The following KCTD8 variants were observed in gnomAD, a reference collection of about 807,000 sequenced individuals.
KCTD8 encodes the protein BTB/POZ domain-containing protein KCTD8.
A neutral mutation model predicts 31.5 loss-of-function variants in KCTD8; 27 were observed. That is an observed-to-expected ratio of 0.86 (90% CI 0.63 to 1.18). The LOEUF (loss-of-function observed/expected upper bound fraction) is 1.18, where lower values mean the gene tolerates loss of function less well. Among genes scored for constraint, KCTD8 ranks in the 50% most tolerant of loss-of-function variants. KCTD8 has a pLI of 0.00. For synonymous variants in KCTD8, 290 were observed against 280.0 expected (o/e 1.04, Z -0.36); for missense variants, 658 against 647.7 (o/e 1.02, Z -0.17).
At chr4:44,392,546 T>G (rs772331784) in intron 1 of KCTD8, among the ~76,000 whole-genome samples, 5 of 152,000 alleles carry the variant, frequency 3.3e-5, no homozygotes, top group Admixed American at 6.6e-5. Context: ...TTTATCCAAA[T>G]CACCTTGATT....
intron 1 of KCTD8, among the ~76,000 whole-genome samples, chr4:44,314,228 G>C (rs1718042348): frequency 6.6e-6 from 1 of 152,128 alleles, no homozygotes; most frequent in Non-Finnish European, 1.5e-5. Flanking sequence ...AATGGTACAG[G>C]TTGCTTTTAT....
At chr4:44,327,305 C>T (rs1316619094) in intron 1 of KCTD8, among the ~76,000 whole-genome samples, 1 of 151,836 alleles carries the variant, frequency 6.6e-6, no homozygotes. Flanking sequence ...GTTTTCTACA[C>T]ATACTAGTCT....
chr4:44,379,794 A>G (rs2109441928), intron 1 of KCTD8, among the ~76,000 whole-genome samples: 1 of 152,212 alleles, frequency 6.6e-6, no homozygotes, highest in South Asian at 2.1e-4. Flanking sequence ...TTGTATTTCA[A>G]TCTATCCTAT....
Position 44,317,228 on chromosome 4 carries a change from C to CTTTTTTTTTTTTTTTTTTTTTTT in KCTD8, c.961+130334_961+130335insAAAAAAAAAAAAAAAAAAAAAAA, listed in dbSNP as rs760060899. 4.7e-4 allele frequency among the ~76,000 whole-genome samples: 17 copies of CTTTTTTTTTTTTTTTTTTTTTTT among 36,534 alleles called. 6 individuals carry two copies. Among genetic ancestry groups the CTTTTTTTTTTTTTTTTTTTTTTT allele is most frequent in the Non-Finnish European group, 6.6e-4 (14 of 21,196 alleles). The allele number at this position is 36,534 out of a possible 152,430, so 24.0% of individuals were successfully genotyped here. On this transcript the variant is annotated intron_variant, in intron 1 of 1. Coordinates refer to ENST00000360029, the MANE Select transcript of KCTD8 (RefSeq NM_198353.3). ...TTTATGTATTGCCTATGGGTGCTTT[C>CTTTTTTTTTTTTTTTTTTTTTTT]TTTTTTTTTTTTTTTTTTTTTTGAG...
At chr4:44,261,052 T>C (rs1318313893) in intron 1 of KCTD8, among the ~76,000 whole-genome samples, 1 of 151,996 alleles carries the variant, frequency 6.6e-6, no homozygotes, top group Non-Finnish European at 1.5e-5. Context: ...TTAGAAGTGG[T>C]AAGACTTCAG....
chr4:44,194,242 C>A (rs1277436222), intron 1 of KCTD8, among the ~76,000 whole-genome samples: 2 of 152,090 alleles, frequency 1.3e-5, no homozygotes, highest in African/African-American at 4.8e-5. Flanking sequence ...TGTTGAGATG[C>A]CTTGAACTTT....
chr4:44,393,251 A>G (rs1720415337), intron 1 of KCTD8, among the ~76,000 whole-genome samples: 1 of 152,020 alleles, frequency 6.6e-6, no homozygotes, highest in African/African-American at 2.4e-5. Context: ...GTTTCGGTAA[A>G]GGAGACATGG....
intron 1 of KCTD8, among the ~76,000 whole-genome samples, chr4:44,252,976 T>C (rs1349021787): frequency 6.6e-6 from 1 of 151,760 alleles, no homozygotes; most frequent in Non-Finnish European, 1.5e-5. Context: ...GAGGGTAGCC[T>C]TTAATGTATT....
intron 1 of KCTD8, among the ~76,000 whole-genome samples, chr4:44,177,613 T>A (rs1577810902): frequency 6.6e-6 from 1 of 152,000 alleles, no homozygotes; most frequent in East Asian, 1.9e-4. Context: ...AAAAGAGGAG[T>A]TCCTCTGCAC....
At chr4:44,233,273 T>C (rs1022247519) in intron 1 of KCTD8, among the ~76,000 whole-genome samples, 1 of 152,160 alleles carries the variant, frequency 6.6e-6, no homozygotes, top group Non-Finnish European at 1.5e-5. Flanking sequence ...TTTTCTGCCT[T>C]TTTAGTATCT....
chr4:44,181,418 G>A (rs982336782), intron 1 of KCTD8, among the ~76,000 whole-genome samples: 1 of 152,264 alleles, frequency 6.6e-6, no homozygotes, highest in Admixed American at 6.5e-5. Context: ...ACTGGTTTTC[G>A]TATTTTTTTG....
At chr4:44,343,392 C>T (rs138277653) in intron 1 of KCTD8, among the ~76,000 whole-genome samples, 275 of 152,242 alleles carry the variant, frequency 1.8e-3, no homozygotes, top group Middle Eastern at 3.4e-3. Context: ...ATGGGCACAG[C>T]TCATGGTGCC....
At chr4:44,358,778 C>G (rs1393798809) in intron 1 of KCTD8, among the ~76,000 whole-genome samples, 1 of 152,066 alleles carries the variant, frequency 6.6e-6, no homozygotes, top group East Asian at 1.9e-4. Flanking sequence ...ACCATGTTAG[C>G]CAGGATGGTC....
intron 1 of KCTD8, among the ~76,000 whole-genome samples, chr4:44,303,557 T>A (rs908867376): frequency 3.3e-5 from 5 of 152,138 alleles, no homozygotes; most frequent in African/African-American, 1.2e-4. Flanking sequence ...GGCTCATTCC[T>A]GTAATCCCAG....
intron 1 of KCTD8, among the ~76,000 whole-genome samples, chr4:44,332,134 T>C (rs1376720204): frequency 6.6e-6 from 1 of 151,960 alleles, no homozygotes; most frequent in Non-Finnish European, 1.5e-5. Flanking sequence ...TAAATTTCAC[T>C]GATCGTTCAA....
chr4:44,207,771 T>A (rs1577830943), intron 1 of KCTD8, among the ~76,000 whole-genome samples: 1 of 152,188 alleles, frequency 6.6e-6, no homozygotes, highest in Admixed American at 6.6e-5. Context: ...GCACTGAACA[T>A]AATATAGCAA....
At chr4:44,268,162 G>A (rs183475377) in intron 1 of KCTD8, among the ~76,000 whole-genome samples, 20,080 of 152,042 alleles carry the variant, frequency 0.13, 1,508 homozygotes, top group East Asian at 0.24. Flanking sequence ...CTGGCAAACC[G>A]AATCCAGCAA....
intron 1 of KCTD8, among the ~76,000 whole-genome samples, chr4:44,337,108 CCTAA>C (rs1238378372): frequency 6.6e-6 from 1 of 152,058 alleles, no homozygotes; most frequent in Non-Finnish European, 1.5e-5. Context: ...AAATGTTCAA[CCTAA>C]CTAACAATCA....
In KCTD8 at chr4:44,303,840, T is replaced by A. The variant is rs529837105; in HGVS notation, c.962-128590A>T. Among the ~76,000 whole-genome samples, 6 of 152,036 alleles carry A rather than the reference T, an allele frequency of 3.9e-5. No individual in the cohort carries two copies. The South Asian group carries it at 1.2e-3, about 32-fold the overall frequency. The stretch of plus-strand genomic sequence containing the variant: ...AAAAAAAAAATGAAAAAACTCCTAA[T>A]CGTTTTTAACATTTTCTAAAATTGG... On this transcript the variant is annotated intron_variant, in intron 1 of 1. Transcript: ENST00000360029.
Sources: gnomAD v4.1 joint callset for allele counts (sites outside exome capture counted in the v4.1 genomes callset) on GRCh38, gnomAD v4.1.1 for gene constraint, MANE v1.5 for transcripts, NCBI Gene and HGNC (gene_info 2026-07-23, HGNC 2026-07-21) for gene names.